The following PCMT1 variants were observed in gnomAD, a reference collection of about 807,000 sequenced individuals.
PCMT1 encodes the protein protein-L-isoaspartate(D-aspartate) O-methyltransferase.
In PCMT1, 9 loss-of-function variants were observed where a neutral mutation model predicts 29.2. The ratio of observed to expected loss-of-function variants is 0.31; its 90% confidence interval spans 0.19 to 0.54. The LOEUF is 0.54. Among genes scored for constraint, PCMT1 ranks in the 20% least tolerant of loss-of-function variants. PCMT1 has a pLI of 0.95. For synonymous variants in PCMT1, 98 were observed against 97.5 expected (o/e 1.00, Z -0.03); for missense variants, 184 against 282.2 (o/e 0.65, Z 2.49).
At chr6:149,756,718 C>T (rs145175574) in intron 1 of PCMT1, among the ~76,000 whole-genome samples, 54 of 151,640 alleles carry the variant, frequency 3.6e-4, no homozygotes, top group African/African-American at 1.2e-3. Context: ...AAAAATAGAA[C>T]CAGCTGGTAA....
At chr6:149,809,126 G>GCA (rs1191572892) in intron 7 of PCMT1, among the ~76,000 whole-genome samples, 6 of 149,940 alleles carry the variant, frequency 4.0e-5, no homozygotes, top group Non-Finnish European at 8.9e-5. Context: ...GGGTATGGTG[G>GCA]TGCCTGCCTG....
At chr6:149,776,787 G>C (rs1051463603) in intron 3 of PCMT1, among the ~76,000 whole-genome samples, 2 of 152,144 alleles carry the variant, frequency 1.3e-5, no homozygotes, top group Non-Finnish European at 2.9e-5. Context: ...CAGATTGTTA[G>C]AGATTAAAAA....
intron 5 of PCMT1, among the ~76,000 whole-genome samples, chr6:149,794,440 A>G (rs1328812176): frequency 6.6e-6 from 1 of 152,112 alleles, no homozygotes; most frequent in Non-Finnish European, 1.5e-5. Context: ...CAACATGGTG[A>G]AACTCCGTCT....
At chr6:149,798,502 A>C (rs201967042) in intron 6 of PCMT1, among the ~76,000 whole-genome samples, 1 of 152,232 alleles carries the variant, frequency 6.6e-6, no homozygotes, top group Non-Finnish European at 1.5e-5. Flanking sequence ...GTATGTATAC[A>C]TCTGATTTAA....
chr6:149,773,099 A>G (rs991913805), intron 2 of PCMT1, 39 bp from the exon 3 acceptor site: 2 of 1,525,768 alleles, frequency 1.3e-6, no homozygotes, highest in African/African-American at 1.4e-5. Context: ...GTATATTTTT[A>G]CAGCTGACTG....
chr6:149,789,142 T>A (rs1239382331), intron 3 of PCMT1, among the ~76,000 whole-genome samples: 1 of 149,626 alleles, frequency 6.7e-6, no homozygotes, highest in Non-Finnish European at 1.5e-5. Context: ...AGTGGCATGA[T>A]CTCGGATCAC....
intron 2 of PCMT1, among the ~76,000 whole-genome samples, 167 bp downstream of exon 2, chr6:149,771,433 T>G (rs1044951938): frequency 5.9e-5 from 9 of 152,226 alleles, no homozygotes; most frequent in Non-Finnish European, 1.0e-4. Context: ...TTAATAAAAT[T>G]ATGTATGTTT....
At chr6:149,792,846 A>G (rs1788426537) in intron 4 of PCMT1, among the ~76,000 whole-genome samples, 1 of 152,108 alleles carries the variant, frequency 6.6e-6, no homozygotes, top group Non-Finnish European at 1.5e-5. Flanking sequence ...AGCAGTAGAA[A>G]CAAGTGTAGA....
chr6:149,795,193 C>CAAAAAAAAAAAAAAAAAAAAAA (rs58391587), intron 5 of PCMT1: 1 of 263,816 alleles, frequency 3.8e-6, no homozygotes, highest in Admixed American at 5.0e-5. Flanking sequence ...GACTTCGTCT[C>CAAAAAAAAAAAAAAAAAAAAAA]AAAAAAAAAA....
intron 2 of PCMT1, chr6:149,772,538 A>G: frequency 2.2e-6 from 1 of 445,908 alleles, no homozygotes; most frequent in South Asian, 1.6e-5. Flanking sequence ...AACTTACTGA[A>G]ATTCTTCCTT....
At chr6:149,797,283 A>T (rs2115328783) in intron 6 of PCMT1, 1 of 152,324 alleles carries the variant, frequency 6.6e-6, no homozygotes, top group Non-Finnish European at 1.5e-5. Context: ...TTAACACAGG[A>T]TATCTATTGG....
chr6:149,787,920 C>T (rs9688809), intron 3 of PCMT1, among the ~76,000 whole-genome samples: 80,539 of 151,502 alleles, frequency 0.53, 24,593 homozygotes, highest in East Asian at 0.83. Context: ...TTACCTTTAA[C>T]TTTTTTTGAG....
At chr6:149,785,180 CTT>C (rs1451976694) in intron 3 of PCMT1, among the ~76,000 whole-genome samples, 1 of 143,720 alleles carries the variant, frequency 7.0e-6, no homozygotes, top group Non-Finnish European at 1.5e-5. Context: ...ATTCTTAAAA[CTT>C]TTTTTTTCAG....
intron 4 of PCMT1, among the ~76,000 whole-genome samples, chr6:149,791,682 GACTC>G (rs1280005692): frequency 1.3e-5 from 2 of 152,042 alleles, no homozygotes; most frequent in African/African-American, 4.8e-5. Flanking sequence ...ACATAATAAG[GACTC>G]ATATTTTCTC....
intron 1 of PCMT1, among the ~76,000 whole-genome samples, chr6:149,765,297 T>C (rs1787034206): frequency 7.2e-6 from 1 of 138,114 alleles, no homozygotes; most frequent in Non-Finnish European, 1.5e-5. Flanking sequence ...GAGGTGGAGC[T>C]TGCAGTGAGC....
chr6:149,775,247 A>C (rs2115263952), intron 3 of PCMT1, among the ~76,000 whole-genome samples: 1 of 152,330 alleles, frequency 6.6e-6, no homozygotes, highest in Non-Finnish European at 1.5e-5. Flanking sequence ...TAGCAAATTG[A>C]TAATTATACT....
chr6:149,757,543 T>G (rs1786557682), intron 1 of PCMT1, among the ~76,000 whole-genome samples: 1 of 152,160 alleles, frequency 6.6e-6, no homozygotes, highest in African/African-American at 2.4e-5. Context: ...GTGGTTTGGT[T>G]TAGCAAAACC....
intron 7 of PCMT1, 191 bp downstream of exon 7, chr6:149,802,607 C>G (rs1174288467): frequency 1.1e-5 from 8 of 706,302 alleles, no homozygotes; most frequent in Admixed American, 9.3e-5. Context: ...GGCACAAAGG[C>G]TTTTTTTGTT....
chr6:149,801,498 A>G (rs534141407), intron 6 of PCMT1, among the ~76,000 whole-genome samples: 1 of 152,228 alleles, frequency 6.6e-6, no homozygotes, highest in African/African-American at 2.4e-5. Context: ...CCCAGGCTGG[A>G]GTGTGGTGGC....
Sources: gnomAD v4.1 joint callset for allele counts (sites outside exome capture counted in the v4.1 genomes callset) on GRCh38, gnomAD v4.1.1 for gene constraint, MANE v1.5 for transcripts, NCBI Gene and HGNC (gene_info 2026-07-23, HGNC 2026-07-21) for gene names.